Variants in DSCAM observed in about 807,000 individuals in gnomAD.
DSCAM encodes cell adhesion molecule DSCAM.
In DSCAM, 47 loss-of-function variants were observed where a neutral mutation model predicts 217.7. The observed-to-expected ratio is 0.22, with a 90% CI of 0.17 to 0.28. The LOEUF is 0.28. Ranked by LOEUF, DSCAM falls within the 10% of genes least tolerant of loss-of-function variation. The pLI is 1.00. For missense variants in DSCAM, 2,080 were observed against 2,618.3 expected, an observed-to-expected ratio of 0.79 and a Z score of 4.49; for synonymous variants, 1,056 against 1,015.3, an observed-to-expected ratio of 1.04 and a Z score of -0.76.
intron 3 of DSCAM, among the ~76,000 whole-genome samples, chr21:40,421,084 T>C (rs146883286): frequency 6.0e-4 from 92 of 152,320 alleles, no homozygotes; most frequent in African/African-American, 2.1e-3. Flanking sequence ...CCTTCTCACC[T>C]ATATTTACCA....
At chr21:40,362,084 C>T (rs2074773181) in intron 4 of DSCAM, among the ~76,000 whole-genome samples, 1 of 152,090 alleles carries the variant, frequency 6.6e-6, no homozygotes, top group Non-Finnish European at 1.5e-5. Context: ...CATCCATGTC[C>T]CTACAAAGGA....
At chr21:40,218,713 G>A (rs552369069) in intron 11 of DSCAM, among the ~76,000 whole-genome samples, 169 of 151,998 alleles carry the variant, frequency 1.1e-3, no homozygotes, top group African/African-American at 3.9e-3. Flanking sequence ...TCACCTCCCT[G>A]GTTAGCTGGT....
chr21:40,042,137 C>A (rs1199934809), intron 32 of DSCAM, among the ~76,000 whole-genome samples: 1 of 152,200 alleles, frequency 6.6e-6, no homozygotes, highest in African/African-American at 2.4e-5. Flanking sequence ...CCCAGGAGAG[C>A]CTCTGCAGCA....
intron 3 of DSCAM, among the ~76,000 whole-genome samples, chr21:40,490,475 A>G (rs1030182885): frequency 6.6e-6 from 1 of 152,128 alleles, no homozygotes; most frequent in Non-Finnish European, 1.5e-5. Context: ...TGGCTGATGG[A>G]TCACATACCA....
intron 3 of DSCAM, among the ~76,000 whole-genome samples, chr21:40,607,177 T>C (rs1201104953): frequency 1.3e-5 from 2 of 152,142 alleles, no homozygotes; most frequent in Admixed American, 6.5e-5. Context: ...TTTTCAGAAA[T>C]CAACTAACTT....
At chr21:40,692,093 C>T (rs936690013) in intron 3 of DSCAM, among the ~76,000 whole-genome samples, 5 of 152,178 alleles carry the variant, frequency 3.3e-5, no homozygotes, top group East Asian at 1.9e-4. Flanking sequence ...AATTCTTTTC[C>T]GAAAGCAGCC....
intron 3 of DSCAM, among the ~76,000 whole-genome samples, chr21:40,531,638 G>T (rs543251275): frequency 6.6e-6 from 1 of 152,342 alleles, no homozygotes; most frequent in South Asian, 2.1e-4. Context: ...TCAGCCTTAA[G>T]GAAGGAGGAG....
At chr21:40,380,622 G>A (rs948492346) in intron 3 of DSCAM, among the ~76,000 whole-genome samples, 3 of 152,154 alleles carry the variant, frequency 2.0e-5, no homozygotes, top group African/African-American at 4.8e-5. Flanking sequence ...TTCTGAGGAC[G>A]TGCACTTCAG....
chr21:40,301,343 C>T (rs753592272), intron 9 of DSCAM, among the ~76,000 whole-genome samples: 1 of 152,174 alleles, frequency 6.6e-6, no homozygotes, highest in Non-Finnish European at 1.5e-5. Flanking sequence ...TGACTTGAGC[C>T]CTTGGTCTCC....
At chr21:40,432,936 C>T (rs905082125) in intron 3 of DSCAM, among the ~76,000 whole-genome samples, 2 of 152,076 alleles carry the variant, frequency 1.3e-5, no homozygotes, top group East Asian at 1.9e-4. Context: ...CATCGCTTCT[C>T]GTTTGTTCTT....
intron 8 of DSCAM, among the ~76,000 whole-genome samples, chr21:40,331,346 T>C (rs1457672066): frequency 3.9e-5 from 6 of 152,134 alleles, no homozygotes; most frequent in African/African-American, 1.4e-4. Flanking sequence ...GAGATGACAT[T>C]TGTTCCCAGC....
intron 11 of DSCAM, among the ~76,000 whole-genome samples, chr21:40,197,270 A>C (rs1002317981): frequency 1.1e-4 from 16 of 151,884 alleles, no homozygotes; most frequent in African/African-American, 3.1e-4. Context: ...AGGCGCCCAC[A>C]ACCACGCCCA....
At chr21:40,676,480 T>C (rs2090339935) in intron 3 of DSCAM, among the ~76,000 whole-genome samples, 1 of 152,226 alleles carries the variant, frequency 6.6e-6, no homozygotes, top group Non-Finnish European at 1.5e-5. Flanking sequence ...GCGATGGAAT[T>C]GTGTCGAATT....
chr21:40,521,289 GATC>G (rs2076356617), intron 3 of DSCAM, among the ~76,000 whole-genome samples: 1 of 152,150 alleles, frequency 6.6e-6, no homozygotes, highest in African/African-American at 2.4e-5. Context: ...GAAAGTACTG[GATC>G]ATATGGTAGG....
At chr21:40,766,499 T>C (rs139787920) in intron 1 of DSCAM, among the ~76,000 whole-genome samples, 1 of 151,932 alleles carries the variant, frequency 6.6e-6, no homozygotes, top group East Asian at 1.9e-4. Context: ...ATTTACAAAG[T>C]AGTTATTTCA....
At chr21:40,347,619 C>T in intron 6 of DSCAM, 51 bp downstream of exon 6, 1 of 1,607,250 alleles carries the variant, frequency 6.2e-7, no homozygotes, top group Non-Finnish European at 8.5e-7. Context: ...TTTCTGAGTG[C>T]TCTGGGTTTG....
chr21:40,203,841 G>C (rs897725395), intron 11 of DSCAM, among the ~76,000 whole-genome samples: 1 of 152,142 alleles, frequency 6.6e-6, no homozygotes, highest in African/African-American at 2.4e-5. Flanking sequence ...AAGAAAAAAA[G>C]TGTTAAGATA....
At chr21:40,827,874 T>C (rs1354298752) in intron 1 of DSCAM, among the ~76,000 whole-genome samples, 1 of 152,134 alleles carries the variant, frequency 6.6e-6, no homozygotes, top group African/African-American at 2.4e-5. Flanking sequence ...CTGCAACAGA[T>C]TGGAAAATGA....
chr21:40,419,594 C>G (rs2075403902), intron 3 of DSCAM, among the ~76,000 whole-genome samples: 1 of 152,184 alleles, frequency 6.6e-6, no homozygotes, highest in African/African-American at 2.4e-5. Flanking sequence ...CACCCAGATT[C>G]AAGGTCTCAC....
Sources: allele counts gnomAD v4.1 joint callset (sites outside exome capture counted in the v4.1 genomes callset), GRCh38; gene constraint gnomAD v4.1.1; transcripts MANE v1.5; gene names NCBI Gene and HGNC (gene_info 2026-07-23, HGNC 2026-07-21).